The following PCDHGA5 variants were observed in gnomAD, a reference collection of about 807,000 sequenced individuals.
The protein encoded by PCDHGA5 is protocadherin gamma subfamily A, 5.
Under a neutral mutation model 56.7 loss-of-function variants are expected in PCDHGA5, and 36 were observed. The ratio of observed to expected loss-of-function variants is 0.64; its 90% CI spans 0.49 to 0.84. The LOEUF (loss-of-function observed/expected upper bound fraction) is 0.84. Among genes scored for constraint, PCDHGA5 ranks in the 40% least tolerant of loss-of-function variants. The pLI is 0.00. For synonymous variants in PCDHGA5, 563 were observed against 520.2 expected (o/e 1.08, Z -1.12); for missense variants, 1,305 against 1,201.5 (o/e 1.09, Z -1.27).
chr5:141,433,245 A>C, intron 1 of PCDHGA5: 3 of 1,459,776 alleles, frequency 2.1e-6, no homozygotes, highest in Non-Finnish European at 2.8e-6. Context: ...CCAAGCTGGA[A>C]TGCAGCGGTA....
At chr5:141,452,281 T>C (rs948141174) in intron 1 of PCDHGA5, among the ~76,000 whole-genome samples, 1 of 152,232 alleles carries the variant, frequency 6.6e-6, no homozygotes, top group African/African-American at 2.4e-5. Flanking sequence ...CCTTTCTTAC[T>C]TTCTGATATA....
In PCDHGA5 at chr5:141,511,999, C is replaced by G. The variant is rs1049440139; in HGVS notation, c.*826C>G. ...GTGGATGGTGGGGGCATGGACAAAG[C>G]TTGACACATCAAGTTATCAAGGCCT... is the stretch of plus-strand genomic sequence containing the variant. On this transcript the variant is annotated 3_prime_UTR_variant, in exon 4 of 4. Coordinates refer to ENST00000518069, the MANE Select transcript of PCDHGA5 (RefSeq NM_018918.3). 6.5e-6 allele frequency: 1 copy of G among 153,016 alleles called. No individual in the cohort carries two copies. Among genetic ancestry groups the G allele is most frequent in the Non-Finnish European group, 1.5e-5 (1 of 68,392 alleles). The allele number at this position is 153,016 out of a possible 1,614,324, so 9.5% of individuals were successfully genotyped here. A position where few individuals can be genotyped will look rare whatever the true frequency, so the allele number is the denominator to read the frequency against.
At chr5:141,415,524 C>G in intron 1 of PCDHGA5, 1 of 1,614,154 alleles carries the variant, frequency 6.2e-7, no homozygotes, top group Non-Finnish European at 8.5e-7. Context: ...CGGACACGCT[C>G]ATCAGCCAGG....
intron 1 of PCDHGA5, among the ~76,000 whole-genome samples, chr5:141,381,770 A>G (rs1309418172): frequency 1.3e-5 from 2 of 151,484 alleles, no homozygotes; most frequent in Non-Finnish European, 2.9e-5. Flanking sequence ...TATATAATCA[A>G]TAATCAGGAA....
chr5:141,372,030 G>A (rs1561553995), intron 1 of PCDHGA5: 1 of 1,613,446 alleles, frequency 6.2e-7, no homozygotes, highest in East Asian at 2.2e-5. Flanking sequence ...CAGCGCCAAC[G>A]TGAGCCTGCG....
At chr5:141,499,880 G>A (rs1177287013) in intron 2 of PCDHGA5, among the ~76,000 whole-genome samples, 1 of 151,886 alleles carries the variant, frequency 6.6e-6, no homozygotes, top group African/African-American at 2.4e-5. Flanking sequence ...TACAAACAGG[G>A]TTTCGCCATG....
At chr5:141,421,700 C>A (rs755518757) in intron 1 of PCDHGA5, 2 of 1,613,900 alleles carry the variant, frequency 1.2e-6, no homozygotes, top group Non-Finnish European at 1.7e-6. Flanking sequence ...CTTCCTAATG[C>A]TAGGGATCCA....
chr5:141,479,703 C>T (rs1219257838), intron 1 of PCDHGA5: 1 of 152,182 alleles, frequency 6.6e-6, no homozygotes, highest in African/African-American at 2.4e-5. Context: ...AGTGTTAGTC[C>T]CTGTCCTTCC....
At position 141,486,315 on chromosome 5, in the gene PCDHGA5, C is replaced by T. The variant is rs1432435944; in HGVS notation, c.2422-8492C>T. The T allele has an allele frequency of 6.2e-7, 1 of 1,614,066 alleles. No individual in the cohort carries two copies. Among genetic ancestry groups the T allele is most frequent in the East Asian group, 2.2e-5 (1 of 44,862 alleles). ...AGTGTGCAGGATCCAGACTCAGGGT[C>T]AAACGGAGATGTGAGCCTCCGCATT... On this transcript the variant is annotated intron_variant, in intron 1 of 3. Transcript: ENST00000518069. The surrounding 1 kb of genome is among the most constrained non-coding windows in gnomAD (Gnocchi z 5.0).
At chr5:141,449,723 GA>G (rs1432635918) in intron 1 of PCDHGA5, among the ~76,000 whole-genome samples, 2 of 150,880 alleles carry the variant, frequency 1.3e-5, no homozygotes, top group Admixed American at 6.6e-5. Flanking sequence ...TATATGATAT[GA>G]TTTTTTTATG....
chr5:141,466,754 C>G (rs1045917268), intron 1 of PCDHGA5, among the ~76,000 whole-genome samples: 2 of 152,138 alleles, frequency 1.3e-5, no homozygotes, highest in South Asian at 2.1e-4. Context: ...GATAGGGGCT[C>G]TTTTCAAACT....
intron 3 of PCDHGA5, among the ~76,000 whole-genome samples, chr5:141,510,538 G>A (rs1423013528): frequency 1.3e-5 from 2 of 152,216 alleles, no homozygotes; most frequent in East Asian, 1.9e-4. Context: ...AAATACCAGC[G>A]AATGTGTTTT....
chr5:141,371,606 G>A, intron 1 of PCDHGA5: 2 of 1,614,010 alleles, frequency 1.2e-6, no homozygotes, highest in South Asian at 2.2e-5. Context: ...CATACAGGTT[G>A]GTGACAGATG....
At chr5:141,416,982 T>C (rs191309825) in intron 1 of PCDHGA5, 25 of 152,264 alleles carry the variant, frequency 1.6e-4, no homozygotes, top group African/African-American at 5.5e-4. Context: ...GAGTCAAAAT[T>C]ATTGTGCATT....
intron 1 of PCDHGA5, chr5:141,395,193 T>C (rs748986857): frequency 1.2e-6 from 2 of 1,614,024 alleles, no homozygotes; most frequent in South Asian, 1.1e-5. Flanking sequence ...TTTGTTAACA[T>C]CCGTAGATTT....
intron 1 of PCDHGA5, chr5:141,417,252 G>C (rs2096099745): frequency 6.6e-6 from 1 of 152,148 alleles, no homozygotes; most frequent in Admixed American, 6.5e-5. Context: ...AGTACTTCCA[G>C]CTTCATAGAT....
At chr5:141,503,396 A>G (rs1025780031) in intron 2 of PCDHGA5, among the ~76,000 whole-genome samples, 2 of 151,944 alleles carry the variant, frequency 1.3e-5, no homozygotes, top group African/African-American at 2.4e-5. Flanking sequence ...GGAGTTCGAA[A>G]CCAACCTGGC....
intron 1 of PCDHGA5, chr5:141,408,182 C>G: frequency 6.5e-7 from 1 of 1,537,898 alleles, no homozygotes; most frequent in Non-Finnish European, 8.8e-7. Flanking sequence ...AGCGGGGACC[C>G]AGCGAGAACC....
chr5:141,447,058 G>A (rs1356080567), intron 1 of PCDHGA5, among the ~76,000 whole-genome samples: 1 of 152,068 alleles, frequency 6.6e-6, no homozygotes, highest in Non-Finnish European at 1.5e-5. Flanking sequence ...ATTAAAATGT[G>A]TCAGGCTGTT....
Sources: gnomAD v4.1 joint callset for allele counts (sites outside exome capture counted in the v4.1 genomes callset) on GRCh38, gnomAD v4.1.1 for gene constraint, Gnocchi (gnomAD v3.1) non-coding constraint, MANE v1.5 for transcripts, NCBI Gene and HGNC (gene_info 2026-07-23, HGNC 2026-07-21) for gene names.